MACROD2: variants seen among roughly 807,000 people sequenced by gnomAD.
The protein encoded by MACROD2 is mono-ADP ribosylhydrolase 2.
A neutral mutation model predicts 70.4 loss-of-function variants in MACROD2; 36 were observed. The ratio of observed to expected loss-of-function variants is 0.51; its 90% CI spans 0.39 to 0.68. The LOEUF (loss-of-function observed/expected upper bound fraction) is 0.68, where lower values mean the gene tolerates loss of function less well. MACROD2 is among the 30% of genes least tolerant of loss of function. The pLI, the probability that MACROD2 is intolerant of heterozygous loss-of-function variation, is 0.00. For missense variants in MACROD2, 496 were observed against 538.4 expected (o/e 0.92, Z 0.78); for synonymous variants, 172 against 178.8 (o/e 0.96, Z 0.30).
chr20:14,802,141 G>T (rs1211219313), intron 5 of MACROD2, among the ~76,000 whole-genome samples: 3 of 152,072 alleles, frequency 2.0e-5, no homozygotes, highest in Non-Finnish European at 4.4e-5. Flanking sequence ...TGGTGTGCCT[G>T]CAGAAGAAGC....
chr20:15,021,753 C>T (rs1389751268), intron 5 of MACROD2: 2 of 152,018 alleles, frequency 1.3e-5, no homozygotes, highest in Non-Finnish European at 2.9e-5. Context: ...CTGTATGATA[C>T]TGTAATGGTG....
chr20:14,301,010 G>A (rs1202134800), intron 3 of MACROD2, among the ~76,000 whole-genome samples: 5 of 152,174 alleles, frequency 3.3e-5, no homozygotes, highest in Non-Finnish European at 5.9e-5. Context: ...TCCAAGAACT[G>A]TTACAAGACT....
chr20:14,214,988 A>G (rs934465545), intron 3 of MACROD2, among the ~76,000 whole-genome samples: 2 of 150,934 alleles, frequency 1.3e-5, no homozygotes, highest in Non-Finnish European at 2.9e-5. Context: ...ATTCCATCAT[A>G]TACATATATG....
rs190360648 is a variant in MACROD2 at position 15,797,291 on chromosome 20, T to C, written c.646-65454T>C. Among the ~76,000 whole-genome samples the C allele has an allele frequency of 2.2e-3, 339 of 152,188 alleles. 3 individuals carry two copies. The highest frequency in any genetic ancestry group is 7.5e-3 in the African/African-American group (313 of 41,538). On this transcript the variant is annotated intron_variant, in intron 8 of 17. Transcript: ENST00000684519. ...ACCACGCCCGGCTAATTTTTTTGTA[T>C]TTTTTAGTAGAGACGGGGTTTCACC...
At chr20:14,704,565 G>A (rs1274972443) in intron 5 of MACROD2, among the ~76,000 whole-genome samples, 1 of 152,098 alleles carries the variant, frequency 6.6e-6, no homozygotes. Flanking sequence ...TCTTGCTGGG[G>A]AAACTCAAAG....
In MACROD2 at chr20:14,441,169, G is replaced by A. The variant is rs374287297; in HGVS notation, c.272-52310G>A. On this transcript the variant is annotated intron_variant, in intron 3 of 17. Coordinates refer to ENST00000684519, the MANE Select transcript of MACROD2 (RefSeq NM_001351661.2). ...GAAGTAATTTTATGTGACTTCTAAT[G>A]CTAGACCTTAAGAGACCTTGCACCT... Among the ~76,000 whole-genome samples, 86 of 152,260 alleles carry A rather than the reference G, an allele frequency of 5.6e-4. 2 individuals are homozygous for A. The South Asian group carries it at 0.016, about 28-fold the overall frequency.
chr20:15,021,262 C>CGCACACCTGTATGTATACACACACG (rs2075179045), intron 5 of MACROD2, among the ~76,000 whole-genome samples: 1 of 6,216 alleles, frequency 1.6e-4, no homozygotes, highest in African/African-American at 4.1e-4. Context: ...ATACACACAC[C>CGCACACCTGTATGTATACACACACG]TGTGTGTGTG....
At chr20:14,974,324 A>C (rs2074718459) in intron 5 of MACROD2, among the ~76,000 whole-genome samples, 1 of 152,182 alleles carries the variant, frequency 6.6e-6, no homozygotes. Context: ...CAGGAATGGA[A>C]AAAGTTTGAA....
chr20:15,483,921 A>C (rs567034737), intron 7 of MACROD2, among the ~76,000 whole-genome samples: 38 of 152,050 alleles, frequency 2.5e-4, no homozygotes, highest in Non-Finnish European at 5.3e-4. Context: ...TCTATCTTGC[A>C]ATCTTGCTAT....
At chr20:15,918,011 C>A (rs935584197) in intron 10 of MACROD2, among the ~76,000 whole-genome samples, 10 of 151,228 alleles carry the variant, frequency 6.6e-5, no homozygotes, top group Admixed American at 1.3e-4. Flanking sequence ...GAAAACTGTG[C>A]AGAGACTTGA....
intron 8 of MACROD2, among the ~76,000 whole-genome samples, chr20:15,591,682 C>A (rs1350366998): frequency 1.4e-5 from 2 of 141,452 alleles, no homozygotes; most frequent in Non-Finnish European, 3.0e-5. Context: ...TTTATTTTTT[C>A]ATCTTTAACC....
chr20:14,266,639 A>G (rs965274864), intron 3 of MACROD2, among the ~76,000 whole-genome samples: 12 of 152,172 alleles, frequency 7.9e-5, no homozygotes, highest in African/African-American at 2.2e-4. Context: ...TTTATAATAC[A>G]TAATTTGGAT....
At chr20:14,217,586 C>T (rs997977217) in intron 3 of MACROD2, among the ~76,000 whole-genome samples, 1 of 152,034 alleles carries the variant, frequency 6.6e-6, no homozygotes, top group Non-Finnish European at 1.5e-5. Context: ...AGGATTGGTA[C>T]CAATTCTTTT....
chr20:15,143,246 A>T (rs1277442202), intron 5 of MACROD2, among the ~76,000 whole-genome samples: 2 of 152,050 alleles, frequency 1.3e-5, no homozygotes, highest in Non-Finnish European at 2.9e-5. Flanking sequence ...TTTGATTTAT[A>T]TTTCTCTGAT....
At chr20:15,290,844 T>C (rs2077535267) in intron 6 of MACROD2, among the ~76,000 whole-genome samples, 1 of 152,194 alleles carries the variant, frequency 6.6e-6, no homozygotes, top group African/African-American at 2.4e-5. Context: ...CATCCATTCA[T>C]CCACTCATTC....
intron 8 of MACROD2, among the ~76,000 whole-genome samples, chr20:15,554,148 C>T (rs528998350): frequency 1.3e-5 from 2 of 152,242 alleles, no homozygotes; most frequent in African/African-American, 2.4e-5. Flanking sequence ...ATAGATGAGG[C>T]TTAGTACTTA....
chr20:15,803,238 G>A (rs960191046), intron 8 of MACROD2, among the ~76,000 whole-genome samples: 4 of 152,018 alleles, frequency 2.6e-5, no homozygotes, highest in Non-Finnish European at 4.4e-5. Flanking sequence ...TATCCCTGAC[G>A]AAAGATGCAA....
At chr20:15,476,577 C>CCA (rs987077217) in intron 7 of MACROD2, among the ~76,000 whole-genome samples, 1 of 151,970 alleles carries the variant, frequency 6.6e-6, no homozygotes, top group African/African-American at 2.4e-5. Flanking sequence ...TTTGCCCCCC[C>CCA]CCGGTAAGTC....
intron 5 of MACROD2, among the ~76,000 whole-genome samples, chr20:14,736,524 G>A (rs527963693): frequency 1.3e-5 from 2 of 152,250 alleles, no homozygotes; most frequent in African/African-American, 4.8e-5. Context: ...ATATCAGTCA[G>A]TAACCAAACC....
Sources: gnomAD v4.1 joint callset for allele counts (sites outside exome capture counted in the v4.1 genomes callset) on GRCh38, gnomAD v4.1.1 for gene constraint, MANE v1.5 for transcripts, NCBI Gene and HGNC (gene_info 2026-07-23, HGNC 2026-07-21) for gene names.